GPHN: variants seen among roughly 807,000 people sequenced by gnomAD.
GPHN encodes gephyrin.
GPHN carries 17 observed loss-of-function variants against 95.5 expected under a neutral mutation model. The ratio of observed to expected loss-of-function variants is 0.18; its 90% CI spans 0.12 to 0.27. GPHN has a LOEUF of 0.27. Among genes scored for constraint, GPHN ranks in the 10% least tolerant of loss-of-function variants. The pLI, the probability that GPHN is intolerant of heterozygous loss-of-function variation, is 1.00. For synonymous variants in GPHN, 320 were observed against 322.5 expected, an observed-to-expected ratio of 0.99 and a Z score of 0.08; for missense variants, 660 against 978.1, an observed-to-expected ratio of 0.67 and a Z score of 4.34.
At chr14:66,799,523 A>G (rs962065842) in intron 3 of GPHN, among the ~76,000 whole-genome samples, 1 of 151,910 alleles carries the variant, frequency 6.6e-6, no homozygotes, top group African/African-American at 2.4e-5. Context: ...TAAAATTTTT[A>G]TATCCTCTTC....
the GPHN span, among the ~76,000 whole-genome samples, chr14:67,432,242 A>G: frequency 6.6e-6 from 1 of 152,234 alleles, no homozygotes; most frequent in African/African-American, 2.4e-5. Flanking sequence ...CAGCTCCAAG[A>G]GGTTAAATGA....
chr14:67,714,898 A>T, the GPHN span: 4 of 152,128 alleles, frequency 2.6e-5, no homozygotes, highest in African/African-American at 9.7e-5. Flanking sequence ...CAAGGCATTC[A>T]CTGAATGCCC....
chr14:66,647,629 CAA>C (rs2064827793), intron 1 of GPHN, among the ~76,000 whole-genome samples: 1 of 151,486 alleles, frequency 6.6e-6, no homozygotes, highest in Non-Finnish European at 1.5e-5. Context: ...ATGAGATTAA[CAA>C]TAACTAATAA....
chr14:67,086,875 A>C (rs997725202), intron 11 of GPHN, among the ~76,000 whole-genome samples: 1 of 150,636 alleles, frequency 6.6e-6, no homozygotes, highest in African/African-American at 2.4e-5. Context: ...CATCTCTACT[A>C]AAAATACAAA....
the GPHN span, among the ~76,000 whole-genome samples, chr14:67,731,263 G>A: frequency 1.0e-3 from 144 of 140,076 alleles, no homozygotes; most frequent in African/African-American, 3.6e-3. Flanking sequence ...TGCCCAGGCT[G>A]GAGTGCAATG....
the GPHN span, among the ~76,000 whole-genome samples, chr14:67,213,285 G>C: frequency 2.0e-5 from 3 of 148,688 alleles, no homozygotes; most frequent in Non-Finnish European, 4.5e-5. Context: ...TTTAGCATTA[G>C]GTATATCTCC....
the GPHN span, chr14:67,591,684 A>G: frequency 6.6e-6 from 1 of 152,002 alleles, no homozygotes; most frequent in South Asian, 2.1e-4. Context: ...GATGTGCACC[A>G]CCATGCTCAG....
intron 10 of GPHN, among the ~76,000 whole-genome samples, chr14:67,044,853 T>C (rs1379171085): frequency 6.6e-6 from 1 of 151,962 alleles, no homozygotes; most frequent in Non-Finnish European, 1.5e-5. Context: ...TCTGTCTGTC[T>C]CTGTCTCTCT....
At chr14:66,953,988 C>T (rs1475956081) in intron 8 of GPHN, among the ~76,000 whole-genome samples, 2 of 147,904 alleles carry the variant, frequency 1.4e-5, no homozygotes, top group Admixed American at 6.8e-5. Context: ...TGAGCCAAGA[C>T]GGTGCGATTG....
intron 1 of GPHN, among the ~76,000 whole-genome samples, chr14:66,538,336 T>TA (rs771607360): frequency 6.6e-6 from 1 of 152,038 alleles, no homozygotes; most frequent in African/African-American, 2.4e-5. Flanking sequence ...GTTTTTTTTT[T>TA]ATCAGCCTTG....
chr14:66,965,909 T>C (rs1162590266), intron 9 of GPHN, among the ~76,000 whole-genome samples: 1 of 152,040 alleles, frequency 6.6e-6, no homozygotes, highest in African/African-American at 2.4e-5. Context: ...CACTGAATTG[T>C]ATAGGGTGAG....
intron 8 of GPHN, among the ~76,000 whole-genome samples, chr14:66,947,765 C>A (rs2067851634): frequency 6.6e-6 from 1 of 152,194 alleles, no homozygotes; most frequent in South Asian, 2.1e-4. Flanking sequence ...CAAGACCAGC[C>A]TGGGCAACAT....
the GPHN span, chr14:67,584,270 T>C: frequency 2.7e-6 from 2 of 748,656 alleles, no homozygotes; most frequent in East Asian, 5.4e-5. Context: ...CTAGTCCAGC[T>C]TTCCACAGTC....
At chr14:67,434,897 T>C in the GPHN span, among the ~76,000 whole-genome samples, 1 of 151,772 alleles carries the variant, frequency 6.6e-6, no homozygotes, top group Non-Finnish European at 1.5e-5. Context: ...CCTGAGGTGG[T>C]GCAGGGCATC....
the GPHN span, among the ~76,000 whole-genome samples, chr14:67,418,214 T>A: frequency 6.6e-6 from 1 of 152,210 alleles, no homozygotes; most frequent in African/African-American, 2.4e-5. Flanking sequence ...TTGGAGAAGT[T>A]AAATAACTTG....
the GPHN span, chr14:67,364,501 CATT>C: frequency 2.9e-6 from 1 of 347,552 alleles, no homozygotes; most frequent in Non-Finnish European, 5.3e-6. Flanking sequence ...TATAGATGGT[CATT>C]ATTTTTTATG....
chr14:67,499,805 C>G, the GPHN span, among the ~76,000 whole-genome samples: 2 of 151,708 alleles, frequency 1.3e-5, no homozygotes, highest in Non-Finnish European at 2.9e-5. Flanking sequence ...CCTCAATTCC[C>G]ACAGGCATGA....
At chr14:66,877,588 A>G (rs186232613) in intron 4 of GPHN, among the ~76,000 whole-genome samples, 3 of 152,310 alleles carry the variant, frequency 2.0e-5, no homozygotes, top group African/African-American at 7.2e-5. Flanking sequence ...TTATACAACA[A>G]TAATAGACCA....
chr14:67,441,350 C>G, the GPHN span, among the ~76,000 whole-genome samples: 1 of 152,168 alleles, frequency 6.6e-6, no homozygotes, highest in Non-Finnish European at 1.5e-5. Flanking sequence ...ATTCAGTCCT[C>G]CAAGGCCCTG....
Sources: allele counts gnomAD v4.1 joint callset (sites outside exome capture counted in the v4.1 genomes callset), GRCh38; gene constraint gnomAD v4.1.1; transcripts MANE v1.5; gene names NCBI Gene and HGNC (gene_info 2026-07-23, HGNC 2026-07-21).